Variants in ARB2A observed in about 807,000 individuals in gnomAD.
ARB2A encodes cotranscriptional regulator ARB2A.
At chr5:93,624,380 A>T in the ARB2A span, among the ~76,000 whole-genome samples, 4 of 152,152 alleles carry the variant, frequency 2.6e-5, no homozygotes, top group African/African-American at 9.7e-5. Flanking sequence ...TCAAACCAAT[A>T]ATTTTCCTAA....
the ARB2A span, among the ~76,000 whole-genome samples, chr5:93,789,062 C>T: frequency 0.094 from 14,309 of 152,140 alleles, 832 homozygotes; most frequent in Middle Eastern, 0.17. Context: ...TATATATGTG[C>T]GTGCAGACCC....
chr5:93,784,371 A>G, the ARB2A span: 1 of 1,606,784 alleles, frequency 6.2e-7, no homozygotes. Context: ...ACTAAAAAAA[A>G]CCAAGTCTCA....
At chr5:93,854,925 G>A in the ARB2A span, among the ~76,000 whole-genome samples, 1 of 152,188 alleles carries the variant, frequency 6.6e-6, no homozygotes, top group Non-Finnish European at 1.5e-5. Context: ...TGAAAAAAAT[G>A]TATATTCTGT....
At chr5:93,722,625 A>G in the ARB2A span, among the ~76,000 whole-genome samples, 1 of 152,164 alleles carries the variant, frequency 6.6e-6, no homozygotes, top group Non-Finnish European at 1.5e-5. Flanking sequence ...AAGAGTGATT[A>G]AAGTTCTGGG....
At chr5:94,048,462 G>T in the ARB2A span, among the ~76,000 whole-genome samples, 1 of 152,268 alleles carries the variant, frequency 6.6e-6, no homozygotes, top group South Asian at 2.1e-4. Flanking sequence ...TTAACTGTCA[G>T]ATTTTACATT....
At chr5:93,777,233 C>T in the ARB2A span, among the ~76,000 whole-genome samples, 1 of 151,578 alleles carries the variant, frequency 6.6e-6, no homozygotes, top group Non-Finnish European at 1.5e-5. Flanking sequence ...GGGTGCGGCA[C>T]ACCAGCATGT....
chr5:93,945,364 G>C, the ARB2A span, among the ~76,000 whole-genome samples: 1 of 149,832 alleles, frequency 6.7e-6, no homozygotes, highest in African/African-American at 2.5e-5. Context: ...GCAGTGAGCT[G>C]AGATTGCGCC....
At chr5:93,940,612 A>G in the ARB2A span, among the ~76,000 whole-genome samples, 1 of 152,082 alleles carries the variant, frequency 6.6e-6, no homozygotes, top group Non-Finnish European at 1.5e-5. Context: ...TCAGAATATC[A>G]GAAAAAAATA....
the ARB2A span, among the ~76,000 whole-genome samples, chr5:93,897,651 AT>A: frequency 6.6e-6 from 1 of 151,890 alleles, no homozygotes; most frequent in African/African-American, 2.4e-5. Context: ...ATAATACAAT[AT>A]TGGCTTCAAT....
At chr5:93,851,927 T>C in the ARB2A span, among the ~76,000 whole-genome samples, 1 of 152,208 alleles carries the variant, frequency 6.6e-6, no homozygotes, top group Non-Finnish European at 1.5e-5. Flanking sequence ...AGTGCATGTG[T>C]CTTTATAGCA....
At chr5:93,757,891 C>T in the ARB2A span, among the ~76,000 whole-genome samples, 8 of 152,142 alleles carry the variant, frequency 5.3e-5, no homozygotes, top group African/African-American at 9.7e-5. Flanking sequence ...TGGTACCACA[C>T]ATTTCAATAC....
At chr5:93,793,016 G>C in the ARB2A span, among the ~76,000 whole-genome samples, 1 of 151,926 alleles carries the variant, frequency 6.6e-6, no homozygotes, top group Non-Finnish European at 1.5e-5. Flanking sequence ...GATGCCTAGA[G>C]AGTAAGTGAC....
At chr5:93,829,930 G>T in the ARB2A span, among the ~76,000 whole-genome samples, 1 of 152,134 alleles carries the variant, frequency 6.6e-6, no homozygotes, top group Non-Finnish European at 1.5e-5. Flanking sequence ...TGCTTTGATA[G>T]TTACACAAGT....
the ARB2A span, among the ~76,000 whole-genome samples, chr5:93,629,682 C>G: frequency 6.6e-6 from 1 of 151,990 alleles, no homozygotes; most frequent in Non-Finnish European, 1.5e-5. Context: ...CCCTGCCCCC[C>G]ACAAAATAAT....
At chr5:93,959,733 A>G in the ARB2A span, among the ~76,000 whole-genome samples, 3 of 152,316 alleles carry the variant, frequency 2.0e-5, no homozygotes, top group Admixed American at 6.5e-5. Context: ...CAGAATAAAA[A>G]GTAAATATTT....
chr5:93,860,508 G>GT, the ARB2A span, among the ~76,000 whole-genome samples: 1 of 151,684 alleles, frequency 6.6e-6, no homozygotes, highest in Non-Finnish European at 1.5e-5. Context: ...TAATAAACAT[G>GT]TTATTTAGAA....
At chr5:93,620,062 CAGAG>C in the ARB2A span, 3 of 152,190 alleles carry the variant, frequency 2.0e-5, no homozygotes, top group Admixed American at 6.5e-5. Flanking sequence ...CCTTTCTCCA[CAGAG>C]AGATTTAAAA....
At chr5:93,774,392 A>C in the ARB2A span, among the ~76,000 whole-genome samples, 1 of 152,238 alleles carries the variant, frequency 6.6e-6, no homozygotes, top group South Asian at 2.1e-4. Context: ...AGATGGGCTG[A>C]AATTTAGGCT....
At chr5:93,999,158 AT>A in the ARB2A span, among the ~76,000 whole-genome samples, 188 of 145,822 alleles carry the variant, frequency 1.3e-3, no homozygotes, top group African/African-American at 3.0e-3. Context: ...ACTGAAAGGC[AT>A]TTTTTTTTTT....
Sources: allele counts gnomAD v4.1 joint callset (sites outside exome capture counted in the v4.1 genomes callset), GRCh38; gene constraint gnomAD v4.1.1; transcripts MANE v1.5; gene names NCBI Gene and HGNC (gene_info 2026-07-23, HGNC 2026-07-21).